KCNN2: variants seen among roughly 807,000 people sequenced by gnomAD.
The protein encoded by KCNN2 is small conductance calcium-activated potassium channel protein 2.
A neutral mutation model predicts 55.5 loss-of-function variants in KCNN2; 24 were observed. The observed-to-expected ratio is 0.43, with a 90% CI of 0.31 to 0.61. KCNN2 has a LOEUF of 0.61. Among genes scored for constraint, KCNN2 ranks in the 20% least tolerant of loss-of-function variants. The pLI is 0.08. For missense variants in KCNN2, 754 were observed against 853.6 expected (o/e 0.88, Z 1.45); for synonymous variants, 431 against 336.1 (o/e 1.28, Z -3.09).
intron 2 of KCNN2, among the ~76,000 whole-genome samples, chr5:114,242,823 T>C (rs1219937365): frequency 1.3e-5 from 2 of 152,232 alleles, no homozygotes; most frequent in Non-Finnish European, 2.9e-5. Context: ...CATCTTTGTA[T>C]TGCTTCCCCT....
chr5:114,107,551 AT>A (rs77970294), intron 1 of KCNN2, among the ~76,000 whole-genome samples: 145 of 148,092 alleles, frequency 9.8e-4, no homozygotes, highest in Middle Eastern at 3.4e-3. Context: ...TGCCTGGCTA[AT>A]TTTTTTTTTT....
At chr5:114,358,951 A>G (rs1757353262), upstream of KCNN2, among the ~76,000 whole-genome samples, 7 of 152,224 alleles carry the variant, frequency 4.6e-5, no homozygotes, top group Admixed American at 4.6e-4. Context: ...ATAGTGTAAA[A>G]TGCCTTAAAT....
chr5:114,093,031 G>T (rs1751178119), intron 1 of KCNN2, among the ~76,000 whole-genome samples: 1 of 152,114 alleles, frequency 6.6e-6, no homozygotes, highest in African/African-American at 2.4e-5. Context: ...TTTCTCCCTA[G>T]AAAATGGGTT....
chr5:114,362,845 C>T lies in KCNN2; in HGVS notation c.706C>T (p.Leu236=), dbSNP rs76109643. ...CAACTTGAGCGCGTCCCGCCGGAAC[C>T]TGCACGAGATGGACTCAGAGGCGCA... The part of the protein sequence containing the change: ...LSNLSASRRN[L]HEMDSEAQPL... The change falls in exon 1 of 8, where the codon CTG becomes TTG. Residue 236 remains leucine, a synonymous_variant. Coordinates refer to ENST00000673685, the MANE Select transcript of KCNN2 (RefSeq NM_021614.4). 323 of 1,600,346 alleles carry T rather than the reference C, an allele frequency of 2.0e-4. 1 individual carries two copies. Among genetic ancestry groups the T allele is most frequent in the Non-Finnish European group, 2.7e-4 (315 of 1,178,792 alleles).
intron 2 of KCNN2, among the ~76,000 whole-genome samples, chr5:114,306,700 C>CTTTTTT (rs1245549186): frequency 8.7e-6 from 1 of 115,520 alleles, no homozygotes; most frequent in African/African-American, 3.3e-5. Context: ...TTTTTTTTTT[C>CTTTTTT]TTTTTTTTTT....
In KCNN2 at chr5:114,307,911, T is replaced by C. The variant is rs150512989; in HGVS notation, c.-184-53034T>C. Among the ~76,000 whole-genome samples, 245 of 152,154 alleles carry C rather than the reference T, an allele frequency of 1.6e-3. 1 individual carries two copies. Among genetic ancestry groups the C allele is most frequent in the African/African-American group, 5.7e-3 (238 of 41,510 alleles). ...CAGCTTAATTCCTCCTTATACTTCCTATTCAGCTTGATTCCTCCCCATACC... is the reference window on the plus strand; with the variant it reads ...CAGCTTAATTCCTCCTTATACTTCCCATTCAGCTTGATTCCTCCCCATACC... On this transcript the variant is annotated intron_variant, in intron 2 of 10. Coordinates refer to the KCNN2 transcript ENST00000512097.
At chr5:114,431,373 C>A (rs1169403843) in intron 3 of KCNN2, among the ~76,000 whole-genome samples, 1 of 151,886 alleles carries the variant, frequency 6.6e-6, no homozygotes, top group East Asian at 1.9e-4. Flanking sequence ...AATGTGTGGG[C>A]AGAATGTTGT....
At chr5:114,073,023 T>A (rs540034054) in intron 1 of KCNN2, among the ~76,000 whole-genome samples, 1 of 152,344 alleles carries the variant, frequency 6.6e-6, no homozygotes, top group South Asian at 2.1e-4. Context: ...TGGTCATTCA[T>A]GAACAGGAGA....
At chr5:114,461,001 A>G (rs960836153) in intron 3 of KCNN2, among the ~76,000 whole-genome samples, 1 of 152,178 alleles carries the variant, frequency 6.6e-6, no homozygotes, top group African/African-American at 2.4e-5. Flanking sequence ...TTGGTGAGGA[A>G]TACTTACTAG....
At chr5:114,291,341 C>A (rs1755882756) in intron 2 of KCNN2, among the ~76,000 whole-genome samples, 1 of 152,100 alleles carries the variant, frequency 6.6e-6, no homozygotes, top group Non-Finnish European at 1.5e-5. Context: ...CCTCCCCCCT[C>A]TCCTCACCCC....
intron 1 of KCNN2, among the ~76,000 whole-genome samples, chr5:114,106,197 T>G (rs529411454): frequency 1.2e-4 from 19 of 152,010 alleles, no homozygotes; most frequent in African/African-American, 4.3e-4. Flanking sequence ...TTTTTTTACT[T>G]AATTCTCTTG....
At chr5:114,482,229 C>T (rs367845067) in intron 5 of KCNN2, among the ~76,000 whole-genome samples, 5 of 152,256 alleles carry the variant, frequency 3.3e-5, no homozygotes, top group Middle Eastern at 3.4e-3. Flanking sequence ...TGAACAGACA[C>T]GTCTTAAAAG....
At chr5:114,084,969 T>C (rs1181881282) in intron 1 of KCNN2, among the ~76,000 whole-genome samples, 1 of 151,908 alleles carries the variant, frequency 6.6e-6, no homozygotes, top group Non-Finnish European at 1.5e-5. Flanking sequence ...TGACTCTACT[T>C]GTGTGAACCT....
In KCNN2 at chr5:114,330,259, G is replaced by A. The variant is rs1756791197; in HGVS notation, c.-184-30686G>A. Among the ~76,000 whole-genome samples, 5 of 152,266 alleles carry A rather than the reference G, an allele frequency of 3.3e-5. No homozygotes were observed. In the South Asian group the frequency reaches 1.0e-3, roughly 32 times the overall value. ...AAGCTTACTGAGCTTAGTTCAGGAA[G>A]TTCCTGGGATGAGATCTGTCCTCAG... is the stretch of plus-strand genomic sequence containing the variant. On this transcript the variant is annotated intron_variant, in intron 2 of 10. Coordinates refer to the KCNN2 transcript ENST00000512097.
chr5:114,288,838 CA>C (rs1248570417), intron 2 of KCNN2, among the ~76,000 whole-genome samples: 2 of 152,070 alleles, frequency 1.3e-5, no homozygotes, highest in African/African-American at 2.4e-5. Context: ...TAATAATGTC[CA>C]TTGACACACA....
At chr5:114,392,580 T>C (rs939183783) in intron 2 of KCNN2, among the ~76,000 whole-genome samples, 1 of 152,156 alleles carries the variant, frequency 6.6e-6, no homozygotes, top group Non-Finnish European at 1.5e-5. Context: ...GATTGGTGAA[T>C]TCTGAACATA....
At position 114,478,759 on chromosome 5, in the gene KCNN2, A is replaced by C. The variant is rs1311992126; in HGVS notation, c.1890+5595A>C. Among the ~76,000 whole-genome samples, 3 of 152,314 alleles carry C rather than the reference A, an allele frequency of 2.0e-5. No homozygotes were observed. In the East Asian group the frequency reaches 5.8e-4, roughly 29 times the overall value. ...GGGGGCCCATATTCAACATTCTTAA[A>C]GAATTTCCAACCTAGAATTTCGTTA... On this transcript the variant is annotated intron_variant, in intron 5 of 7. Transcript: ENST00000673685.
intron 1 of KCNN2, among the ~76,000 whole-genome samples, chr5:114,092,363 C>G (rs1751163306): frequency 6.6e-6 from 1 of 152,196 alleles, no homozygotes; most frequent in African/African-American, 2.4e-5. Context: ...CAGCTCAGCC[C>G]CTGTGGCTCT....
Position 114,463,037 on chromosome 5 carries a change from G to A in KCNN2, c.1638-12G>A. ...TAATTATAAAGGACTGGTTTTGTTT[G>A]CTGTTTTTCAGGTACCATGATCAAC... is the stretch of plus-strand genomic sequence containing the variant. On this transcript the variant is annotated splice_polypyrimidine_tract_variant and intron_variant, in intron 3 of 7. Transcript: ENST00000673685. The A allele has an allele frequency of 6.2e-7, 1 of 1,609,920 alleles. No individual in the cohort carries two copies. Among genetic ancestry groups the A allele is most frequent in the Non-Finnish European group, 8.5e-7 (1 of 1,178,234 alleles).
Sources: allele counts gnomAD v4.1 joint callset (sites outside exome capture counted in the v4.1 genomes callset), GRCh38; gene constraint gnomAD v4.1.1; transcripts MANE v1.5; gene names NCBI Gene and HGNC (gene_info 2026-07-23, HGNC 2026-07-21).